The following AGBL4 variants were observed in gnomAD, a reference collection of about 807,000 sequenced individuals.
AGBL4 encodes cytosolic carboxypeptidase 6.
Under a neutral mutation model 66.4 loss-of-function variants are expected in AGBL4, and 58 were observed. The ratio of observed to expected loss-of-function variants is 0.87; its 90% CI spans 0.71 to 1.09. AGBL4 has a LOEUF of 1.09. Ranked by LOEUF, AGBL4 falls within the 50% of genes least tolerant of loss-of-function variation. The pLI, the probability that AGBL4 is intolerant of heterozygous loss-of-function variation, is 0.00. For synonymous variants in AGBL4, 234 were observed against 222.9 expected (o/e 1.05, Z -0.44); for missense variants, 579 against 631.0 (o/e 0.92, Z 0.88).
intron 1 of AGBL4, among the ~76,000 whole-genome samples, chr1:49,874,844 C>T (rs190917306): frequency 0.031 from 4,640 of 151,828 alleles, 94 homozygotes; most frequent in Non-Finnish European, 0.047. Context: ...TATTATTATA[C>T]TTTAAGTTTT....
chr1:49,203,278 C>A lies in AGBL4; in HGVS notation c.377+42492G>T, dbSNP rs569742661. ...AGGAACTCCACTTCTGGATCTATAC[C>A]CGAAATAATTGAGAATAGGATCTCA... is the stretch of plus-strand genomic sequence containing the variant. On this transcript the variant is annotated intron_variant, in intron 4 of 13. Coordinates refer to ENST00000371839, the MANE Select transcript of AGBL4 (RefSeq NM_032785.4). Among the ~76,000 whole-genome samples, 4 of 151,868 alleles carry A rather than the reference C, an allele frequency of 2.6e-5. No individual in the cohort carries two copies. The South Asian group carries it at 8.3e-4, about 32-fold the overall frequency.
intron 2 of AGBL4, among the ~76,000 whole-genome samples, chr1:49,723,580 T>C (rs1048816011): frequency 1.3e-5 from 2 of 152,192 alleles, no homozygotes; most frequent in African/African-American, 2.4e-5. Context: ...TCCACAGTTA[T>C]GAGCCCTCTC....
intron 6 of AGBL4, among the ~76,000 whole-genome samples, chr1:48,832,692 T>C (rs1399952597): frequency 2.0e-5 from 3 of 152,178 alleles, no homozygotes; most frequent in Non-Finnish European, 4.4e-5. Flanking sequence ...TGTTTCTGGA[T>C]GAGATTAATA....
At chr1:48,613,505 C>T (rs1645271674) in intron 9 of AGBL4, among the ~76,000 whole-genome samples, 2 of 152,136 alleles carry the variant, frequency 1.3e-5, no homozygotes, top group South Asian at 2.1e-4. Flanking sequence ...TTTTTGTTTG[C>T]CTAAGAATCT....
intron 5 of AGBL4, among the ~76,000 whole-genome samples, chr1:48,894,630 A>AG: frequency 6.6e-6 from 1 of 152,328 alleles, no homozygotes; most frequent in East Asian, 1.9e-4. Flanking sequence ...TAGTAAAAAA[A>AG]AAAGGTTGAT....
chr1:49,216,279 T>C (rs2148266738), intron 4 of AGBL4, among the ~76,000 whole-genome samples: 1 of 152,236 alleles, frequency 6.6e-6, no homozygotes, highest in South Asian at 2.1e-4. Context: ...AATTTCAACT[T>C]TTAGACTCAG....
chr1:48,800,045 A>ATCT (rs2148741754), intron 6 of AGBL4, among the ~76,000 whole-genome samples: 1 of 152,120 alleles, frequency 6.6e-6, no homozygotes, highest in South Asian at 2.1e-4. Context: ...CTCTTTTTGT[A>ATCT]TCTTTTGGAA....
At chr1:49,030,503 G>A (rs1168350206) in intron 5 of AGBL4, among the ~76,000 whole-genome samples, 1 of 152,120 alleles carries the variant, frequency 6.6e-6, no homozygotes, top group Non-Finnish European at 1.5e-5. Context: ...CAGGAGGTGA[G>A]TGGCAGGCCA....
chr1:48,716,909 G>T (rs180834896), intron 6 of AGBL4, among the ~76,000 whole-genome samples: 2 of 152,306 alleles, frequency 1.3e-5, no homozygotes, highest in East Asian at 3.9e-4. Flanking sequence ...GTAAGAAGGG[G>T]CACAGAAGTG....
chr1:49,787,644 A>G (rs912031368), intron 2 of AGBL4, among the ~76,000 whole-genome samples: 39 of 152,268 alleles, frequency 2.6e-4, no homozygotes, highest in African/African-American at 9.4e-4. Flanking sequence ...AGGACTCAGA[A>G]TAAGTTATGC....
intron 3 of AGBL4, among the ~76,000 whole-genome samples, chr1:49,292,592 C>A (rs1040129675): frequency 6.6e-6 from 1 of 152,148 alleles, no homozygotes. Context: ...CACTACAGGA[C>A]CTCGTCTCTG....
At chr1:49,200,283 C>A (rs768278744) in intron 4 of AGBL4, among the ~76,000 whole-genome samples, 14 of 152,160 alleles carry the variant, frequency 9.2e-5, no homozygotes, top group African/African-American at 2.2e-4. Flanking sequence ...TGTAAAAAAA[C>A]CAAAAGAACC....
intron 4 of AGBL4, among the ~76,000 whole-genome samples, chr1:49,235,283 A>T (rs1216602624): frequency 6.6e-6 from 1 of 152,218 alleles, no homozygotes; most frequent in Non-Finnish European, 1.5e-5. Context: ...AGAGAATTTA[A>T]GCAGCACAAT....
chr1:48,723,834 A>G (rs1647187115), intron 6 of AGBL4, among the ~76,000 whole-genome samples: 1 of 152,184 alleles, frequency 6.6e-6, no homozygotes, highest in Non-Finnish European at 1.5e-5. Flanking sequence ...AAGAGAAAAC[A>G]CTGTGAAACA....
intron 3 of AGBL4, among the ~76,000 whole-genome samples, chr1:49,621,498 T>C (rs1645359632): frequency 6.6e-6 from 1 of 152,214 alleles, no homozygotes; most frequent in African/African-American, 2.4e-5. Context: ...AATGCTTGCT[T>C]GGACCACTAT....
Position 48,587,115 on chromosome 1 carries a change from A to T in AGBL4, c.1156T>A (p.Phe386Ile). ...DAVKAGTGRR[F>I]LGGLLDHTSY... is the part of the protein sequence containing the mutation. ...GTGTGGTCCAGGAGTCCACCGAGGA[A>T]GCGACGGCCAGTTCCTGCTTTCACA... Residue 386 changes from phenylalanine (F) to isoleucine (I), a missense_variant, in exon 11 of 14, where the codon TTC (phenylalanine) becomes ATC (isoleucine). Phe to Ile is a conservative substitution (Grantham distance 21, BLOSUM62 0). Coordinates refer to ENST00000371839, the MANE Select transcript of AGBL4 (RefSeq NM_032785.4). 6.4e-7 allele frequency: 1 copy of T among 1,572,506 alleles called. No homozygotes were observed. The highest frequency in any genetic ancestry group is 8.6e-7 in the Non-Finnish European group (1 of 1,159,112).
intron 3 of AGBL4, among the ~76,000 whole-genome samples, chr1:49,423,604 G>A (rs893069141): frequency 1.3e-5 from 2 of 152,084 alleles, no homozygotes; most frequent in African/African-American, 4.8e-5. Flanking sequence ...GAAGTCAGGA[G>A]TTTAAGACCA....
chr1:49,109,571 A>G (rs2148017193), intron 4 of AGBL4, among the ~76,000 whole-genome samples: 1 of 152,278 alleles, frequency 6.6e-6, no homozygotes, highest in South Asian at 2.1e-4. Flanking sequence ...ATGAATTAAT[A>G]TATGTTAGTA....
chr1:48,770,191 CTG>C (rs1557973851), intron 6 of AGBL4, among the ~76,000 whole-genome samples: 1 of 152,204 alleles, frequency 6.6e-6, no homozygotes, highest in East Asian at 1.9e-4. Flanking sequence ...TGGTGCAAAA[CTG>C]AGAAAATGAA....
Sources: gnomAD v4.1 joint callset for allele counts (sites outside exome capture counted in the v4.1 genomes callset) on GRCh38, gnomAD v4.1.1 for gene constraint, MANE v1.5 for transcripts, NCBI Gene and HGNC (gene_info 2026-07-23, HGNC 2026-07-21) for gene names.